The following MS4A6A variants were observed in gnomAD, a reference collection of about 807,000 sequenced individuals.
MS4A6A encodes the protein membrane-spanning 4-domains subfamily A member 6A.
In MS4A6A, 19 loss-of-function variants were observed where a neutral mutation model predicts 20.6. The observed-to-expected ratio is 0.92, with a 90% CI of 0.64 to 1.36. The LOEUF (loss-of-function observed/expected upper bound fraction) is 1.36, where lower values mean the gene tolerates loss of function less well. Among genes scored for constraint, MS4A6A ranks in the 40% most tolerant of loss-of-function variants. The pLI is 0.00. For synonymous variants in MS4A6A, 108 were observed against 105.0 expected, an observed-to-expected ratio of 1.03 and a Z score of -0.17; for missense variants, 272 against 261.1, an observed-to-expected ratio of 1.04 and a Z score of -0.29.
upstream of MS4A6A, chr11:60,183,159 C>T (rs1243385851): frequency 6.5e-7 from 1 of 1,535,720 alleles, no homozygotes; most frequent in Non-Finnish European, 8.7e-7. Flanking sequence ...GTGAAATGTT[C>T]CTGCACTTCC....
Position 60,179,931 on chromosome 11 carries a change from C to T in MS4A6A, c.182G>A (p.Ser61Asn), listed in dbSNP as rs1342553562. Residue 61 changes from serine to asparagine, a missense_variant, in exon 3 of 6, where the codon AGC becomes AAC. By Grantham distance (46) the Ser-to-Asn change is conservative. Transcript: ENST00000528851. ...IQILCGMMVL[S>N]LGIILASASF... ...AGCAGATGCCAAAATGATCCCCAAG[C>T]TCAATACCATCATGCCACACAAGAT... The T allele has an allele frequency of 6.2e-7, 1 of 1,614,100 alleles. No individual in the cohort carries two copies. Among genetic ancestry groups the T allele is most frequent in the Non-Finnish European group, 8.5e-7 (1 of 1,180,006 alleles).
intron 2 of MS4A6A, chr11:60,181,219 CA>C (rs2134808113): frequency 2.6e-6 from 1 of 378,332 alleles, no homozygotes; most frequent in Non-Finnish European, 5.1e-6. Context: ...AAATTATTTG[CA>C]AAAAGTCAGT....
At position 60,181,793 on chromosome 11, in the gene MS4A6A, T is replaced by TCTGTA. The variant is rs1227562214; in HGVS notation, c.-14-53_-14-52insTACAG. ...CTTAAAAAGTACAGAGCTCCCAGGT[T>TCTGTA]CTGACTCCAAAAACAGTAACTCAGT... On this transcript the variant is annotated intron_variant, in intron 1 of 5. Transcript: ENST00000528851. 4 of 1,575,344 alleles carry TCTGTA rather than the reference T, an allele frequency of 2.5e-6. No individual in the cohort carries two copies. The East Asian group carries it at 9.0e-5, about 35-fold the overall frequency.
chr11:60,181,049 C>T (rs1302286121), intron 2 of MS4A6A: 6 of 453,828 alleles, frequency 1.3e-5, no homozygotes, highest in Non-Finnish European at 2.6e-5. Context: ...AGATAGATCC[C>T]TTCTTTCTCT....
chr11:60,178,736 A>T, intron 3 of MS4A6A: 1 of 405,892 alleles, frequency 2.5e-6, no homozygotes, highest in Non-Finnish European at 4.8e-6. Context: ...TAATTGTGTC[A>T]GTGACATTAT....
chr11:60,179,902 A>T lies in MS4A6A; in HGVS notation c.211T>A (p.Phe71Ile), dbSNP rs2305431. ...GTCACTTGGGTAAAATTTGGAGAGA[A>T]GGAAGCAGATGCCAAAATGATCCCC... Reference protein sequence around the residue: ...SLGIILASASFSPNFTQVTST... With the variant: ...SLGIILASASISPNFTQVTST... The change falls in exon 3 of 6, where the codon TTC becomes ATC. Residue 71 changes from phenylalanine to isoleucine, a missense_variant. By Grantham distance (21) the Phe-to-Ile change is conservative. Transcript: ENST00000528851. 50 of 1,614,142 alleles carry T rather than the reference A, an allele frequency of 3.1e-5. 1 individual carries two copies. The East Asian group carries it at 1.1e-3, about 36-fold the overall frequency.
At chr11:60,171,613 C>A (rs1467449033), downstream of MS4A6A, among the ~76,000 whole-genome samples, 1 of 152,150 alleles carries the variant, frequency 6.6e-6, no homozygotes, top group Non-Finnish European at 1.5e-5. Context: ...AATATGCACT[C>A]AAAAATTTTA....
Position 60,175,521 on chromosome 11 carries a change from G to A in MS4A6A, c.430C>T (p.Pro144Ser). ...ILSVKQATLN[P>S]ASLQCELDKN... ...TCCAACTCACACTGCAGTGAGGCAG[G>A]ATTTAAGGTGGCCTGTTTGACAGAC... Residue 144 changes from proline to serine, a missense_variant, in exon 5 of 6, where the codon CCT becomes TCT. Pro to Ser is a moderately conservative substitution (Grantham distance 74). Coordinates refer to ENST00000528851, the MANE Select transcript of MS4A6A (RefSeq NM_022349.4). The A allele has an allele frequency of 6.2e-7, 1 of 1,614,116 alleles. No individual in the cohort carries two copies. The highest frequency in any genetic ancestry group is 8.5e-7 in the Non-Finnish European group (1 of 1,179,996).
intron 5 of MS4A6A, 68 bp from the exon 6 acceptor site, chr11:60,173,197 G>T: frequency 7.1e-7 from 1 of 1,411,992 alleles, no homozygotes; most frequent in East Asian, 2.3e-5. Context: ...TAGTTGAGAG[G>T]TGACCATAGA....
At chr11:60,183,859 C>A (rs1248129237), upstream of MS4A6A, 7 of 152,328 alleles carry the variant, frequency 4.6e-5, no homozygotes, top group Admixed American at 4.6e-4. Context: ...TCAGCAGGAC[C>A]TAAATGAATT....
chr11:60,172,297 T>C (rs375891284), downstream of MS4A6A: 1 of 1,604,772 alleles, frequency 6.2e-7, no homozygotes, highest in East Asian at 2.2e-5. Context: ...TTCAATCAGG[T>C]TCAAGATAGA....
At chr11:60,177,375 C>T (rs1355685277) in intron 4 of MS4A6A, 1 of 152,080 alleles carries the variant, frequency 6.6e-6, no homozygotes, top group Non-Finnish European at 1.5e-5. Flanking sequence ...GGTGCAATTG[C>T]ATGGTATGAC....
chr11:60,173,158 T>C, intron 5 of MS4A6A, 29 bp from the exon 6 acceptor site: 1 of 1,603,744 alleles, frequency 6.2e-7, no homozygotes, highest in Non-Finnish European at 8.5e-7. Context: ...AAGATTGATG[T>C]TGCTTAGGTC....
intron 5 of MS4A6A, among the ~76,000 whole-genome samples, chr11:60,174,915 G>T (rs888500551): frequency 3.3e-5 from 5 of 151,384 alleles, no homozygotes; most frequent in African/African-American, 1.2e-4. Context: ...ATTAGAAGAA[G>T]AAGCCCTTAT....
At chr11:60,176,402 T>G (rs911198637) in intron 4 of MS4A6A, among the ~76,000 whole-genome samples, 1 of 152,224 alleles carries the variant, frequency 6.6e-6, no homozygotes, top group Admixed American at 6.5e-5. Flanking sequence ...TTCCTTGATT[T>G]TATTTCCCAC....
At chr11:60,178,856 A>C in intron 3 of MS4A6A, 1 of 432,690 alleles carries the variant, frequency 2.3e-6, no homozygotes, top group Admixed American at 2.8e-5. Context: ...AAATCAGACA[A>C]ACCCAAATTT....
At chr11:60,174,580 TC>T (rs1856743829) in intron 5 of MS4A6A, among the ~76,000 whole-genome samples, 1 of 152,142 alleles carries the variant, frequency 6.6e-6, no homozygotes, top group South Asian at 2.1e-4. Context: ...CACCAGGGCC[TC>T]CCAAAATGCT....
rs759987804 is a variant in MS4A6A, at chr11:60,181,694, T to C, written c.34A>G (p.Ile12Val). ...TSQPVPNETI[I>V]VLPSNVINFS... Reference sequence around the variant, plus strand: ...TTGATGACATTTGATGGGAGCACTATGATGGTCTCATTGGGAACAGGTTGT... The same window carrying C: ...TTGATGACATTTGATGGGAGCACTACGATGGTCTCATTGGGAACAGGTTGT... The change falls in exon 2 of 6, where the codon ATA (isoleucine) becomes GTA (valine). Residue 12 changes from isoleucine to valine, a missense_variant. By Grantham distance (29) the Ile-to-Val change is conservative. Transcript: ENST00000528851. 1 of 1,614,118 alleles carries C rather than the reference T, an allele frequency of 6.2e-7. No homozygotes were observed. Among genetic ancestry groups the C allele is most frequent in the African/African-American group, 1.3e-5 (1 of 75,028 alleles).
downstream of MS4A6A, chr11:60,172,242 G>A (rs754575730): frequency 9.3e-6 from 15 of 1,613,272 alleles, no homozygotes; most frequent in South Asian, 1.3e-4. Flanking sequence ...TGTGAGGCAG[G>A]AAAAGTACAC....
Sources: allele counts gnomAD v4.1 joint callset (sites outside exome capture counted in the v4.1 genomes callset), GRCh38; gene constraint gnomAD v4.1.1; transcripts MANE v1.5; gene names NCBI Gene and HGNC (gene_info 2026-07-23, HGNC 2026-07-21).